Variants in EPB41L4A observed in about 807,000 individuals in gnomAD.
EPB41L4A encodes the protein erythrocyte membrane protein band 4.1 like 4A.
A neutral mutation model predicts 108.6 loss-of-function variants in EPB41L4A; 100 were observed. That is an observed-to-expected ratio of 0.92 (90% CI 0.78 to 1.09). The LOEUF is 1.09. Ranked by LOEUF, EPB41L4A falls within the 50% of genes least tolerant of loss-of-function variation. The pLI, the probability that EPB41L4A is intolerant of heterozygous loss-of-function variation, is 0.00. For missense variants in EPB41L4A, 1,030 were observed against 842.7 expected (o/e 1.22, Z -2.75); for synonymous variants, 319 against 289.0 (o/e 1.10, Z -1.05).
At chr5:112,330,188 T>C (rs909246479) in intron 1 of EPB41L4A, among the ~76,000 whole-genome samples, 1 of 151,834 alleles carries the variant, frequency 6.6e-6, no homozygotes, top group Non-Finnish European at 1.5e-5. Flanking sequence ...CTCAGGTCCA[T>C]TCACACTCCC....
At chr5:112,151,506 C>T (rs995974149) in intron 12 of EPB41L4A, among the ~76,000 whole-genome samples, 3 of 151,906 alleles carry the variant, frequency 2.0e-5, no homozygotes, top group African/African-American at 4.8e-5. Flanking sequence ...CTCCAGGGTT[C>T]AAGTGATCCT....
chr5:112,296,938 T>C (rs1428843895), intron 2 of EPB41L4A, among the ~76,000 whole-genome samples: 1 of 152,082 alleles, frequency 6.6e-6, no homozygotes, highest in African/African-American at 2.4e-5. Context: ...TGCCATTAAT[T>C]CATTCCATTT....
intron 1 of EPB41L4A, among the ~76,000 whole-genome samples, chr5:112,352,212 C>T (rs1370985203): frequency 1.3e-5 from 2 of 152,162 alleles, no homozygotes; most frequent in African/African-American, 4.8e-5. Context: ...TGAAATACAT[C>T]ATTAGGTTAT....
At chr5:112,180,563 C>T (rs996614736) in intron 18 of EPB41L4A, among the ~76,000 whole-genome samples, 3 of 150,056 alleles carry the variant, frequency 2.0e-5, no homozygotes, top group Non-Finnish European at 1.5e-5. Flanking sequence ...AAATGGAACA[C>T]AAACCTAAGT....
intron 11 of EPB41L4A, among the ~76,000 whole-genome samples, chr5:112,235,765 T>C (rs1171591039): frequency 6.6e-6 from 1 of 152,164 alleles, no homozygotes; most frequent in Non-Finnish European, 1.5e-5. Flanking sequence ...TGACTCTGCA[T>C]CAGGCTAAGT....
intron 1 of EPB41L4A, among the ~76,000 whole-genome samples, chr5:112,371,223 C>G (rs1759473054): frequency 6.6e-6 from 1 of 152,198 alleles, no homozygotes; most frequent in South Asian, 2.1e-4. Context: ...ATTTCTACTA[C>G]TGTTATCAGG....
intron 1 of EPB41L4A, among the ~76,000 whole-genome samples, chr5:112,369,710 T>A (rs537313093): frequency 6.6e-5 from 10 of 152,312 alleles, no homozygotes; most frequent in African/African-American, 2.4e-4. Flanking sequence ...AGGAACTTGG[T>A]GAGGGAGGTG....
At chr5:112,154,620 C>A (rs1205072703) in intron 12 of EPB41L4A, among the ~76,000 whole-genome samples, 2 of 151,898 alleles carry the variant, frequency 1.3e-5, no homozygotes, top group African/African-American at 4.8e-5. Context: ...TTATATTGTG[C>A]AAAAATTGGA....
intron 9 of EPB41L4A, among the ~76,000 whole-genome samples, chr5:112,245,027 C>G (rs967538806): frequency 8.0e-5 from 12 of 150,392 alleles, no homozygotes; most frequent in Non-Finnish European, 1.6e-4. Context: ...AAAATGCTAC[C>G]AACAGATTGA....
At chr5:112,266,400 TAA>T (rs1751860881) in intron 4 of EPB41L4A, 70 bp from the exon 5 acceptor site, 1 of 1,023,998 alleles carries the variant, frequency 9.8e-7, no homozygotes, top group Non-Finnish European at 1.4e-6. Context: ...CGGACCCTGA[TAA>T]TCAAGGTTAA....
chr5:112,409,948 C>T (rs1414491956), intron 1 of EPB41L4A, among the ~76,000 whole-genome samples: 1 of 152,178 alleles, frequency 6.6e-6, no homozygotes, highest in Non-Finnish European at 1.5e-5. Context: ...GCCCTCTTCA[C>T]CTCACTGTAT....
intron 2 of EPB41L4A, among the ~76,000 whole-genome samples, chr5:112,294,025 CATATA>C (rs780063751): frequency 5.6e-4 from 85 of 152,268 alleles, no homozygotes; most frequent in African/African-American, 1.9e-3. Flanking sequence ...CTCAAATCCT[CATATA>C]ATATGCCTCC....
chr5:112,403,673 G>A (rs1364752553), intron 1 of EPB41L4A, among the ~76,000 whole-genome samples: 1 of 152,108 alleles, frequency 6.6e-6, no homozygotes, highest in Non-Finnish European at 1.5e-5. Context: ...TCACCGTGTT[G>A]TCCAACCTGG....
chr5:112,309,901 C>T (rs1040959745), intron 1 of EPB41L4A, among the ~76,000 whole-genome samples: 1 of 152,196 alleles, frequency 6.6e-6, no homozygotes, highest in African/African-American at 2.4e-5. Context: ...GGGGAGCCCC[C>T]AGCTAACAGC....
intron 2 of EPB41L4A, among the ~76,000 whole-genome samples, chr5:112,304,741 A>G (rs912995486): frequency 6.6e-6 from 1 of 152,114 alleles, no homozygotes; most frequent in Non-Finnish European, 1.5e-5. Flanking sequence ...TACATGTTCA[A>G]TGCCTTATCA....
At chr5:112,337,852 T>C (rs115369233) in intron 1 of EPB41L4A, among the ~76,000 whole-genome samples, 2,202 of 152,232 alleles carry the variant, frequency 0.014, 65 homozygotes, top group African/African-American at 0.049. Flanking sequence ...TGGAAGCCTT[T>C]GGGCCATTCC....
At chr5:112,400,699 A>G (rs1013719889) in intron 1 of EPB41L4A, among the ~76,000 whole-genome samples, 4 of 152,180 alleles carry the variant, frequency 2.6e-5, no homozygotes, top group African/African-American at 9.7e-5. Flanking sequence ...GGGGAGTACA[A>G]TTCAACATGA....
intron 18 of EPB41L4A, among the ~76,000 whole-genome samples, chr5:112,171,477 T>C (rs1477504556): frequency 6.6e-6 from 1 of 152,244 alleles, no homozygotes; most frequent in East Asian, 1.9e-4. Context: ...CCATCTTTCA[T>C]GTTACATCTG....
downstream of EPB41L4A, among the ~76,000 whole-genome samples, chr5:112,159,629 G>T (rs1759776900): frequency 6.6e-6 from 1 of 152,144 alleles, no homozygotes; most frequent in Admixed American, 6.5e-5. Flanking sequence ...ACTGGCCAAG[G>T]CCTGCTGTCT....
Sources: allele counts gnomAD v4.1 joint callset (sites outside exome capture counted in the v4.1 genomes callset), GRCh38; gene constraint gnomAD v4.1.1; transcripts MANE v1.5; gene names NCBI Gene and HGNC (gene_info 2026-07-23, HGNC 2026-07-21).